Variants in HTR1F observed in about 807,000 individuals in gnomAD.
The protein encoded by HTR1F is 5-hydroxytryptamine (serotonin) receptor 1F, G protein-coupled.
In HTR1F, 17 loss-of-function variants were observed where a neutral mutation model predicts 24.0. The ratio of observed to expected loss-of-function variants is 0.71; its 90% confidence interval spans 0.48 to 1.06. The LOEUF (loss-of-function observed/expected upper bound fraction) is 1.06. HTR1F is among the 50% of genes least tolerant of loss of function. HTR1F has a pLI of 0.00. For synonymous variants in HTR1F, 186 were observed against 156.8 expected (o/e 1.19, Z -1.39); for missense variants, 391 against 427.8 (o/e 0.91, Z 0.76).
At chr3:87,900,022 C>A (rs1288562516) in intron 2 of HTR1F, among the ~76,000 whole-genome samples, 6 of 152,060 alleles carry the variant, frequency 3.9e-5, no homozygotes, top group African/African-American at 7.2e-5. Context: ...ATAGTATTTT[C>A]AATGGGATAA....
intron 2 of HTR1F, among the ~76,000 whole-genome samples, chr3:87,909,084 G>A (rs1366089457): frequency 1.3e-5 from 2 of 151,968 alleles, no homozygotes; most frequent in Non-Finnish European, 2.9e-5. Context: ...TCATGGTCAT[G>A]TAACTAATTC....
intron 2 of HTR1F, among the ~76,000 whole-genome samples, chr3:87,981,161 G>C (rs1187714198): frequency 5.9e-5 from 9 of 152,110 alleles, no homozygotes; most frequent in Non-Finnish European, 8.8e-5. Flanking sequence ...ACCATCACTA[G>C]CACTTACGGG....
intron 1 of HTR1F, among the ~76,000 whole-genome samples, chr3:87,798,936 T>G (rs913343013): frequency 1.3e-5 from 2 of 152,242 alleles, no homozygotes; most frequent in Non-Finnish European, 2.9e-5. Flanking sequence ...CCATTGCCCA[T>G]TCTTAGCTCT....
intron 2 of HTR1F, among the ~76,000 whole-genome samples, chr3:87,852,639 G>T (rs1348412820): frequency 6.6e-6 from 1 of 151,574 alleles, no homozygotes; most frequent in Admixed American, 6.6e-5. Context: ...CAACGTGCAG[G>T]TTTGTTACAT....
intron 2 of HTR1F, among the ~76,000 whole-genome samples, chr3:87,908,304 A>G (rs1703708023): frequency 6.6e-6 from 1 of 152,028 alleles, no homozygotes; most frequent in South Asian, 2.1e-4. Flanking sequence ...ATTAAAAACC[A>G]GTGAATTTTC....
intron 2 of HTR1F, among the ~76,000 whole-genome samples, chr3:87,900,952 G>A (rs1706307488): frequency 6.6e-6 from 1 of 152,074 alleles, no homozygotes; most frequent in African/African-American, 2.4e-5. Context: ...AAGTCATGAG[G>A]ATATATACAT....
chr3:87,902,577 T>C (rs1461341624), intron 2 of HTR1F, among the ~76,000 whole-genome samples: 3 of 152,096 alleles, frequency 2.0e-5, no homozygotes, highest in Non-Finnish European at 4.4e-5. Context: ...TTTCTTTTTT[T>C]TGTTTGTTTG....
At chr3:87,902,452 G>A (rs1706346407) in intron 2 of HTR1F, among the ~76,000 whole-genome samples, 1 of 151,996 alleles carries the variant, frequency 6.6e-6, no homozygotes, top group Non-Finnish European at 1.5e-5. Flanking sequence ...TGAGAAGATA[G>A]GAATAAAGCA....
intron 2 of HTR1F, among the ~76,000 whole-genome samples, chr3:87,829,002 A>T (rs1017956256): frequency 1.8e-4 from 28 of 151,878 alleles, no homozygotes; most frequent in African/African-American, 6.3e-4. Context: ...TCTAGGGTGG[A>T]CAAGTAATTT....
chr3:87,928,221 T>G (rs185843966), intron 2 of HTR1F, among the ~76,000 whole-genome samples: 61 of 152,136 alleles, frequency 4.0e-4, no homozygotes, highest in African/African-American at 1.4e-3. Flanking sequence ...AATTTTTGTA[T>G]TTTTAGTAGA....
intron 2 of HTR1F, among the ~76,000 whole-genome samples, chr3:87,932,967 A>C (rs1704318960): frequency 6.7e-6 from 1 of 149,514 alleles, no homozygotes; most frequent in Non-Finnish European, 1.5e-5. Flanking sequence ...AAATACTGGC[A>C]AACCAAATCC....
At chr3:87,795,589 T>C (rs923210363) in intron 1 of HTR1F, among the ~76,000 whole-genome samples, 4 of 152,138 alleles carry the variant, frequency 2.6e-5, no homozygotes, top group Non-Finnish European at 5.9e-5. Flanking sequence ...TATTAATCTT[T>C]CAGTGGCCAG....
chr3:87,824,994 G>A (rs946944352), intron 2 of HTR1F, among the ~76,000 whole-genome samples: 1 of 152,112 alleles, frequency 6.6e-6, no homozygotes, highest in Non-Finnish European at 1.5e-5. Flanking sequence ...AGCTAAAAAT[G>A]ATATTCAGAC....
intron 2 of HTR1F, among the ~76,000 whole-genome samples, chr3:87,852,639 G>A (rs1348412820): frequency 1.3e-5 from 2 of 151,574 alleles, no homozygotes; most frequent in South Asian, 2.1e-4. Flanking sequence ...CAACGTGCAG[G>A]TTTGTTACAT....
At chr3:87,931,620 C>T (rs1419347711) in intron 2 of HTR1F, among the ~76,000 whole-genome samples, 5 of 152,096 alleles carry the variant, frequency 3.3e-5, no homozygotes, top group African/African-American at 7.2e-5. Context: ...TGAGGAATCG[C>T]CACACTGACT....
In HTR1F at chr3:87,963,499, G is replaced by T. The variant is rs148391716; in HGVS notation, c.-42-27209G>T. On this transcript the variant is annotated intron_variant, in intron 2 of 2. Transcript: ENST00000319595. ...TTGTCCCAAAAGTGAAGCCCCACAA[G>T]GAATAAAACAATGAGCCATTTGCTG... 3.8e-4 allele frequency among the ~76,000 whole-genome samples: 58 copies of T among 152,162 alleles called. 1 individual carries two copies. Among genetic ancestry groups the T allele is most frequent in the African/African-American group, 1.1e-3 (46 of 41,548 alleles).
chr3:87,907,872 A>G (rs1220404969), intron 2 of HTR1F, among the ~76,000 whole-genome samples: 1 of 152,024 alleles, frequency 6.6e-6, no homozygotes, highest in Non-Finnish European at 1.5e-5. Context: ...ATTTTTAACC[A>G]AAAGAAAGAG....
intron 1 of HTR1F, among the ~76,000 whole-genome samples, chr3:87,809,035 A>G (rs1283524366): frequency 6.6e-6 from 1 of 151,516 alleles, no homozygotes; most frequent in African/African-American, 2.4e-5. Context: ...TTTCCTTTTG[A>G]TTTTGGCTAG....
chr3:87,966,419 C>T (rs1365949004), intron 2 of HTR1F, among the ~76,000 whole-genome samples: 1 of 152,154 alleles, frequency 6.6e-6, no homozygotes, highest in East Asian at 1.9e-4. Flanking sequence ...TTTTTGTGAG[C>T]TTTTTCTATC....
Sources: allele counts gnomAD v4.1 joint callset (sites outside exome capture counted in the v4.1 genomes callset), GRCh38; gene constraint gnomAD v4.1.1; transcripts MANE v1.5; gene names NCBI Gene and HGNC (gene_info 2026-07-23, HGNC 2026-07-21).